TMEM232: variants seen among roughly 807,000 people sequenced by gnomAD.
The protein encoded by TMEM232 is transmembrane protein 232.
TMEM232 carries 80 observed loss-of-function variants against 78.8 expected under a neutral mutation model. That is an observed-to-expected ratio of 1.01 (90% CI 0.85 to 1.22). The LOEUF (loss-of-function observed/expected upper bound fraction) is 1.22. Among genes scored for constraint, TMEM232 ranks in the 50% most tolerant of loss-of-function variants. TMEM232 has a pLI of 0.00. For missense variants in TMEM232, 881 were observed against 742.2 expected (o/e 1.19, Z -2.17); for synonymous variants, 297 against 254.3 (o/e 1.17, Z -1.60).
intron 12 of TMEM232, among the ~76,000 whole-genome samples, chr5:110,521,150 C>T (rs1019458990): frequency 6.6e-6 from 1 of 152,020 alleles, no homozygotes; most frequent in African/African-American, 2.4e-5. Flanking sequence ...TTCTATGTGG[C>T]CTTTCTCTTC....
At chr5:110,533,510 A>G (rs2149547835) in intron 11 of TMEM232, among the ~76,000 whole-genome samples, 1 of 151,930 alleles carries the variant, frequency 6.6e-6, no homozygotes, top group African/African-American at 2.4e-5. Flanking sequence ...TAATACTTTT[A>G]GAGGCCCTAA....
At chr5:110,628,492 G>C (rs1784695787) in intron 5 of TMEM232, among the ~76,000 whole-genome samples, 1 of 151,966 alleles carries the variant, frequency 6.6e-6, no homozygotes, top group African/African-American at 2.4e-5. Context: ...TGTAAGATTA[G>C]TAAAAATATA....
At chr5:110,498,177 T>C (rs947936963) in intron 12 of TMEM232, among the ~76,000 whole-genome samples, 30 of 152,194 alleles carry the variant, frequency 2.0e-4, no homozygotes, top group Admixed American at 1.9e-3. Flanking sequence ...TATTATAAAA[T>C]GAACTTTGTA....
intron 12 of TMEM232, among the ~76,000 whole-genome samples, chr5:110,524,895 ATC>A (rs1468707673): frequency 2.6e-5 from 4 of 152,006 alleles, no homozygotes; most frequent in African/African-American, 4.8e-5. Context: ...TTATATAATG[ATC>A]TCTGTTTTTT....
intron 10 of TMEM232, among the ~76,000 whole-genome samples, chr5:110,589,637 A>G (rs1185886992): frequency 6.6e-6 from 1 of 152,138 alleles, no homozygotes; most frequent in African/African-American, 2.4e-5. Flanking sequence ...TTATTGCCTC[A>G]GTTTTCTCGC....
intron 11 of TMEM232, among the ~76,000 whole-genome samples, chr5:110,536,202 A>G (rs1772329456): frequency 6.6e-6 from 1 of 152,206 alleles, no homozygotes; most frequent in African/African-American, 2.4e-5. Context: ...GCTGGGGCCA[A>G]TCTCTGGAGA....
chr5:110,650,048 C>T (rs1485645923), intron 2 of TMEM232, among the ~76,000 whole-genome samples: 1 of 152,030 alleles, frequency 6.6e-6, no homozygotes, highest in East Asian at 1.9e-4. Flanking sequence ...GTGCCTGGTA[C>T]ATGCTAAATA....
chr5:110,434,834 G>C (rs547518757), intron 12 of TMEM232, among the ~76,000 whole-genome samples: 3 of 151,520 alleles, frequency 2.0e-5, no homozygotes, highest in South Asian at 2.1e-4. Flanking sequence ...CACATAAAGA[G>C]AAATTTAAAA....
chr5:110,492,425 A>T (rs1004672507), intron 12 of TMEM232, among the ~76,000 whole-genome samples: 6 of 151,912 alleles, frequency 3.9e-5, no homozygotes, highest in Non-Finnish European at 8.8e-5. Flanking sequence ...ACGAATCAAA[A>T]ATTTTAAAAA....
intron 12 of TMEM232, among the ~76,000 whole-genome samples, chr5:110,524,186 C>A (rs1460480414): frequency 1.4e-5 from 2 of 147,502 alleles, no homozygotes; most frequent in East Asian, 4.0e-4. Flanking sequence ...TTGCTTGAAC[C>A]AGGAGGTGGA....
chr5:110,620,624 TCTCTCTCTCTCTCTC>T (rs1783555641), intron 7 of TMEM232, among the ~76,000 whole-genome samples: 4 of 121,778 alleles, frequency 3.3e-5, no homozygotes, highest in Non-Finnish European at 6.7e-5. Flanking sequence ...TCTCTCTCTC[TCTCTCTCTCTCTCTC>T]CTCTCTCCTC....
chr5:110,420,486 A>G lies in TMEM232; in HGVS notation c.*94T>C. ...CAATACCTCCATTTAATGACAAGAA[A>G]GTTCTCTTACTATGTAGCTATCTTG... On this transcript the variant is annotated 3_prime_UTR_variant, in exon 14 of 14. Coordinates refer to ENST00000455884, the MANE Select transcript of TMEM232 (RefSeq NM_001039763.4). The G allele has an allele frequency of 1.3e-6, 1 of 759,670 alleles. No individual in the cohort carries two copies. Among genetic ancestry groups the G allele is most frequent in the South Asian group, 2.9e-5 (1 of 34,822 alleles). The allele number at this position is 759,670 out of a possible 1,614,324, so 47.1% of individuals were successfully genotyped here. A position where few individuals can be genotyped will look rare whatever the true frequency, so the allele number is the denominator to read the frequency against.
intron 12 of TMEM232, among the ~76,000 whole-genome samples, chr5:110,465,269 C>T (rs561664217): frequency 6.6e-6 from 1 of 152,296 alleles, no homozygotes; most frequent in African/African-American, 2.4e-5. Flanking sequence ...AGGCTATGTC[C>T]AGCTTTCTGT....
chr5:110,472,847 A>ATGGT (rs1450080709), intron 12 of TMEM232, among the ~76,000 whole-genome samples: 4 of 151,878 alleles, frequency 2.6e-5, no homozygotes, highest in African/African-American at 9.7e-5. Context: ...TCAATAAATG[A>ATGGT]TGGTTGGAAA....
intron 12 of TMEM232, among the ~76,000 whole-genome samples, chr5:110,465,299 C>A (rs1438596766): frequency 6.6e-6 from 1 of 152,160 alleles, no homozygotes; most frequent in African/African-American, 2.4e-5. Flanking sequence ...GGAAGTTTAC[C>A]TGACAAAACT....
chr5:110,731,190 G>A (rs562299447), upstream of TMEM232, among the ~76,000 whole-genome samples: 1 of 152,318 alleles, frequency 6.6e-6, no homozygotes, highest in South Asian at 2.1e-4. Flanking sequence ...TCCAGGTCAT[G>A]GTCTTCGGCA....
chr5:110,676,731 T>TTTTTTTTA (rs1554075520), intron 1 of TMEM232, among the ~76,000 whole-genome samples: 2 of 139,254 alleles, frequency 1.4e-5, no homozygotes, highest in African/African-American at 5.5e-5. Flanking sequence ...ACCCTTCATC[T>TTTTTTTTA]TTTATTTATT....
At chr5:110,560,241 C>T (rs992262672) in intron 11 of TMEM232, among the ~76,000 whole-genome samples, 2 of 152,062 alleles carry the variant, frequency 1.3e-5, no homozygotes, top group East Asian at 3.9e-4. Context: ...CAGTCATTCT[C>T]CTCTTCCATA....
chr5:110,594,583 A>C (rs1433602756), intron 10 of TMEM232, among the ~76,000 whole-genome samples: 1 of 152,194 alleles, frequency 6.6e-6, no homozygotes, highest in Admixed American at 6.5e-5. Flanking sequence ...CCAGCACAGC[A>C]GTCTGAAGGC....
Sources: allele counts gnomAD v4.1 joint callset (sites outside exome capture counted in the v4.1 genomes callset), GRCh38; gene constraint gnomAD v4.1.1; transcripts MANE v1.5; gene names NCBI Gene and HGNC (gene_info 2026-07-23, HGNC 2026-07-21).